The following GNAL variants were observed in gnomAD, a reference collection of about 807,000 sequenced individuals.
The protein encoded by GNAL is G protein subunit alpha L, also known as guanine nucleotide-binding protein G(olf) subunit alpha.
Under a neutral mutation model 55.1 loss-of-function variants are expected in GNAL, and 18 were observed. The observed-to-expected ratio is 0.33, with a 90% confidence interval of 0.23 to 0.48. GNAL has a LOEUF of 0.48. Ranked by LOEUF, GNAL falls within the 20% of genes least tolerant of loss-of-function variation. The pLI, the probability that GNAL is intolerant of heterozygous loss-of-function variation, is 0.99. For missense variants in GNAL, 412 were observed against 614.1 expected (o/e 0.67, Z 3.48); for synonymous variants, 253 against 237.0 (o/e 1.07, Z -0.62).
chr18:11,847,902 A>G (rs1294890150), intron 5 of GNAL, among the ~76,000 whole-genome samples: 1 of 152,234 alleles, frequency 6.6e-6, no homozygotes, highest in Non-Finnish European at 1.5e-5. Context: ...GTCAACCTCA[A>G]TGGAATATAA....
intron 4 of GNAL, among the ~76,000 whole-genome samples, chr18:11,813,303 G>A (rs1433687577): frequency 6.6e-6 from 1 of 150,510 alleles, no homozygotes; most frequent in Non-Finnish European, 1.5e-5. Flanking sequence ...GTTCAATTAT[G>A]TTCATGGATT....
chr18:11,832,622 C>T (rs2035409617), intron 5 of GNAL, among the ~76,000 whole-genome samples: 1 of 152,174 alleles, frequency 6.6e-6, no homozygotes, highest in Non-Finnish European at 1.5e-5. Context: ...CTTTGGGAGG[C>T]CGAGGTGGGC....
chr18:11,766,814 G>A (rs1236714729), intron 4 of GNAL, among the ~76,000 whole-genome samples: 3 of 152,180 alleles, frequency 2.0e-5, no homozygotes, highest in Non-Finnish European at 4.4e-5. Context: ...CGTAGAAGCT[G>A]CAGACTTCCT....
At chr18:11,720,645 G>A (rs1383317867) in intron 1 of GNAL, among the ~76,000 whole-genome samples, 2 of 152,178 alleles carry the variant, frequency 1.3e-5, no homozygotes, top group Non-Finnish European at 2.9e-5. Flanking sequence ...GCATAACATT[G>A]CAAACTAACC....
chr18:11,749,140 A>AC (rs1250860621), intron 1 of GNAL, among the ~76,000 whole-genome samples: 2 of 133,588 alleles, frequency 1.5e-5, no homozygotes, highest in Non-Finnish European at 3.2e-5. Flanking sequence ...AAAAAAAAAA[A>AC]AAAAAAAAAA....
intron 4 of GNAL, among the ~76,000 whole-genome samples, chr18:11,807,520 C>A (rs1403272277): frequency 6.6e-6 from 1 of 152,178 alleles, no homozygotes; most frequent in Non-Finnish European, 1.5e-5. Flanking sequence ...CTAAGCCGGG[C>A]CGTGGGGGGA....
intron 4 of GNAL, among the ~76,000 whole-genome samples, chr18:11,767,032 T>C (rs1369175617): frequency 6.6e-6 from 1 of 152,236 alleles, no homozygotes; most frequent in Admixed American, 6.5e-5. Flanking sequence ...TCCTTTTGGC[T>C]TTAAGACATT....
In GNAL at chr18:11,868,646, A is replaced by T; in HGVS notation, c.1014A>T (p.Glu338Asp). 1.2e-6 allele frequency: 2 copies of T among 1,607,180 alleles called. No individual in the cohort carries two copies. The highest frequency in any genetic ancestry group is 1.7e-6 in the Non-Finnish European group (2 of 1,177,948). ...NRLRESLDLFESIWNNRWLRT... is the reference protein window; with the variant it reads ...NRLRESLDLFDSIWNNRWLRT... ...TGAGAGAGTCCCTGGATCTTTTTGAAAGCATCTGGAACAACAGGTGACAAA... is the reference window on the plus strand; with the variant it reads ...TGAGAGAGTCCCTGGATCTTTTTGATAGCATCTGGAACAACAGGTGACAAA... The change falls in exon 9 of 12, where the codon GAA (glutamate) becomes GAT (aspartate). Residue 338 changes from glutamate to aspartate, a missense_variant. By Grantham distance (45) the Glu-to-Asp change is conservative. Coordinates refer to ENST00000334049, the MANE Select transcript of GNAL (RefSeq NM_182978.4). The surrounding 1 kb of genome is among the most constrained non-coding windows in gnomAD (Gnocchi z 4.0).
intron 1 of GNAL, among the ~76,000 whole-genome samples, chr18:11,749,131 A>C (rs77581648): frequency 3.4e-4 from 41 of 121,656 alleles, no homozygotes; most frequent in East Asian, 9.9e-4. Flanking sequence ...ATCTCAAAAA[A>C]AAAAAAAAAA....
intron 5 of GNAL, chr18:11,852,077 C>T (rs1270286694): frequency 1.2e-6 from 2 of 1,610,668 alleles, no homozygotes; most frequent in Non-Finnish European, 1.7e-6. Context: ...GATGAACTGT[C>T]TCAGAGACTG....
At chr18:11,795,390 CAAAAA>C (rs752221474) in intron 4 of GNAL, among the ~76,000 whole-genome samples, 2 of 68,254 alleles carry the variant, frequency 2.9e-5, no homozygotes. Flanking sequence ...GACCCTGTCT[CAAAAA>C]AAAAAAAAAA....
Position 11,788,914 on chromosome 18 carries a change from A to AAAAAAT in GNAL, c.624+34970_624+34971insAAAATA, listed in dbSNP as rs60071996. On this transcript the variant is annotated intron_variant, in intron 4 of 11. Transcript: ENST00000334049. ...TCCGTCTCGAAAAAAAAAAAAAAAA[A>AAAAAAT]ATATATATATATATATATATATACA... Among the ~76,000 whole-genome samples the AAAAAAT allele has an allele frequency of 3.2e-4, 18 of 56,298 alleles. 1 individual carries two copies. The highest frequency in any genetic ancestry group is 1.6e-3 in the African/African-American group (16 of 10,024). The allele number at this position is 56,298 out of a possible 152,430, so 36.9% of individuals were successfully genotyped here. A position where few individuals can be genotyped will look rare whatever the true frequency, so the allele number is the denominator to read the frequency against.
intron 1 of GNAL, among the ~76,000 whole-genome samples, chr18:11,721,787 T>C (rs1223670815): frequency 6.6e-6 from 1 of 151,778 alleles, no homozygotes; most frequent in Non-Finnish European, 1.5e-5. Flanking sequence ...CATCAGGTGA[T>C]CTGCCCACCT....
chr18:11,801,746 G>C (rs185387250), intron 4 of GNAL, among the ~76,000 whole-genome samples: 14 of 152,098 alleles, frequency 9.2e-5, no homozygotes, highest in Non-Finnish European at 1.9e-4. Flanking sequence ...GATGTGGCTC[G>C]TGATAGCAAG....
intron 1 of GNAL, among the ~76,000 whole-genome samples, chr18:11,708,238 A>G (rs989120852): frequency 6.6e-6 from 1 of 152,108 alleles, no homozygotes; most frequent in Admixed American, 6.5e-5. Flanking sequence ...ATTTAAAGTG[A>G]GACAGTCTTC....
intron 5 of GNAL, among the ~76,000 whole-genome samples, chr18:11,855,634 A>G (rs1418807714): frequency 6.6e-6 from 1 of 152,188 alleles, no homozygotes; most frequent in African/African-American, 2.4e-5. Context: ...CAGGCAGACC[A>G]TGAGGTTTGG....
chr18:11,764,655 A>G (rs898988290), intron 4 of GNAL, among the ~76,000 whole-genome samples: 5 of 152,144 alleles, frequency 3.3e-5, no homozygotes, highest in African/African-American at 1.2e-4. Flanking sequence ...CAAAAAATAC[A>G]CTGGGTGTGG....
chr18:11,837,868 T>C (rs996883471), intron 5 of GNAL, among the ~76,000 whole-genome samples: 71 of 152,182 alleles, frequency 4.7e-4, no homozygotes, highest in African/African-American at 1.7e-3. Context: ...AGGCTGGGCA[T>C]GGTGGCTCAC....
At chr18:11,738,885 A>G (rs1173202227) in intron 1 of GNAL, among the ~76,000 whole-genome samples, 1 of 152,156 alleles carries the variant, frequency 6.6e-6, no homozygotes, top group Non-Finnish European at 1.5e-5. Flanking sequence ...GCCAGGCAGG[A>G]CGGCAGTGAC....
Sources: allele counts gnomAD v4.1 joint callset (sites outside exome capture counted in the v4.1 genomes callset), GRCh38; gene constraint gnomAD v4.1.1; non-coding constraint Gnocchi (gnomAD v3.1); transcripts MANE v1.5; gene names NCBI Gene and HGNC (gene_info 2026-07-23, HGNC 2026-07-21).